PCSK5: variants seen among roughly 807,000 people sequenced by gnomAD.
PCSK5 encodes the protein prohormone convertase 5.
In PCSK5, 129 loss-of-function variants were observed where a neutral mutation model predicts 233.2. The observed-to-expected ratio is 0.55, with a 90% CI of 0.48 to 0.64. PCSK5 has a LOEUF of 0.64. PCSK5 is among the 30% of genes least tolerant of loss of function. The pLI is 0.00. For missense variants in PCSK5, 2,076 were observed against 2,430.1 expected, an observed-to-expected ratio of 0.85 and a Z score of 3.06; for synonymous variants, 825 against 879.2, an observed-to-expected ratio of 0.94 and a Z score of 1.09.
chr9:76,158,551 G>T (rs1166495385), intron 11 of PCSK5, among the ~76,000 whole-genome samples: 1 of 152,160 alleles, frequency 6.6e-6, no homozygotes, highest in African/African-American at 2.4e-5. Flanking sequence ...CCCCCTTTAT[G>T]CTAATCCCCA....
chr9:76,340,908 A>G (rs1022445637), intron 35 of PCSK5, among the ~76,000 whole-genome samples: 2 of 151,606 alleles, frequency 1.3e-5, no homozygotes, highest in African/African-American at 4.8e-5. Flanking sequence ...AAGTGACTAT[A>G]TTTTTACTTT....
chr9:75,927,337 CTA>C (rs1823537649), intron 1 of PCSK5, among the ~76,000 whole-genome samples: 1 of 152,082 alleles, frequency 6.6e-6, no homozygotes, highest in South Asian at 2.1e-4. Flanking sequence ...TTGGAGGAAT[CTA>C]TAAATTGAAG....
At chr9:76,263,830 A>C (rs933878909) in intron 24 of PCSK5, among the ~76,000 whole-genome samples, 1 of 152,082 alleles carries the variant, frequency 6.6e-6, no homozygotes, top group Non-Finnish European at 1.5e-5. Context: ...CAAATGGAAA[A>C]ATATCCCATG....
intron 7 of PCSK5, among the ~76,000 whole-genome samples, chr9:76,087,998 T>G (rs1262656775): frequency 1.3e-5 from 2 of 152,238 alleles, no homozygotes; most frequent in East Asian, 3.8e-4. Flanking sequence ...GTATTTCCCA[T>G]CTCTCTCATC....
At chr9:75,994,400 C>CTTTTT (rs550518074) in intron 3 of PCSK5, among the ~76,000 whole-genome samples, 66 of 81,988 alleles carry the variant, frequency 8.0e-4, no homozygotes, top group Non-Finnish European at 1.3e-3. Flanking sequence ...TTCTTTCTTT[C>CTTTTT]TTTTTTTTTT....
intron 5 of PCSK5, among the ~76,000 whole-genome samples, chr9:76,042,942 ACTGTAGCATTAGTGAG>A (rs1461394072): frequency 2.0e-5 from 3 of 152,136 alleles, no homozygotes; most frequent in Non-Finnish European, 4.4e-5. Context: ...TGTGGGTTGG[ACTGTAGCATTAGTGAG>A]ATGAAGAGTT....
intron 1 of PCSK5, among the ~76,000 whole-genome samples, chr9:75,901,987 G>C (rs577888626): frequency 1.3e-5 from 2 of 152,012 alleles, no homozygotes. Flanking sequence ...AGGCCAAGGC[G>C]GGCAGATTAC....
intron 2 of PCSK5, among the ~76,000 whole-genome samples, chr9:75,956,465 T>G (rs1825099217): frequency 6.6e-6 from 1 of 152,190 alleles, no homozygotes; most frequent in Non-Finnish European, 1.5e-5. Flanking sequence ...CTTGGTCACT[T>G]CCCAGATAAT....
intron 20 of PCSK5, among the ~76,000 whole-genome samples, chr9:76,202,480 A>G (rs148519734): frequency 1.3e-5 from 2 of 152,320 alleles, no homozygotes; most frequent in East Asian, 1.9e-4. Flanking sequence ...TAAAACTGAA[A>G]TTCCTTTCCA....
intron 15 of PCSK5, among the ~76,000 whole-genome samples, chr9:76,180,131 A>G (rs1403839740): frequency 6.6e-6 from 1 of 150,672 alleles, no homozygotes; most frequent in Non-Finnish European, 1.5e-5. Context: ...ACATACGTAC[A>G]CACGTTTTGG....
intron 1 of PCSK5, among the ~76,000 whole-genome samples, chr9:75,929,150 G>T (rs917333915): frequency 3.3e-5 from 5 of 152,078 alleles, no homozygotes; most frequent in Non-Finnish European, 7.4e-5. Context: ...GGCCAGGATG[G>T]TCTTGATCTC....
At chr9:76,166,899 T>C (rs576186081) in intron 12 of PCSK5, among the ~76,000 whole-genome samples, 1 of 152,366 alleles carries the variant, frequency 6.6e-6, no homozygotes, top group East Asian at 1.9e-4. Flanking sequence ...TGTTGTCTTC[T>C]TGCCCAACAT....
chr9:76,183,204 A>G (rs898415711), intron 16 of PCSK5, among the ~76,000 whole-genome samples: 1 of 152,238 alleles, frequency 6.6e-6, no homozygotes, highest in African/African-American at 2.4e-5. Context: ...GACAGAACCA[A>G]GGTAATTGAG....
At chr9:75,917,862 A>G (rs2131248592) in intron 1 of PCSK5, among the ~76,000 whole-genome samples, 1 of 152,342 alleles carries the variant, frequency 6.6e-6, no homozygotes, top group South Asian at 2.1e-4. Context: ...CCTTCTATTT[A>G]GGAAGTAGAA....
At chr9:75,960,738 C>A (rs985515380) in intron 2 of PCSK5, among the ~76,000 whole-genome samples, 1 of 152,174 alleles carries the variant, frequency 6.6e-6, no homozygotes, top group Non-Finnish European at 1.5e-5. Context: ...TATTAACATT[C>A]GACAGCTGTT....
chr9:75,987,332 C>G (rs1351032862), intron 3 of PCSK5, among the ~76,000 whole-genome samples: 1 of 152,134 alleles, frequency 6.6e-6, no homozygotes, highest in Non-Finnish European at 1.5e-5. Context: ...CTCTTGGACC[C>G]TCTCCCTGCT....
chr9:76,112,557 T>C (rs868422121), intron 9 of PCSK5, among the ~76,000 whole-genome samples: 1 of 152,172 alleles, frequency 6.6e-6, no homozygotes, highest in African/African-American at 2.4e-5. Context: ...TTATTACTTA[T>C]CTTTTCCCTC....
intron 18 of PCSK5, 90 bp downstream of exon 18, chr9:76,188,765 A>G: frequency 1.1e-6 from 1 of 874,012 alleles, no homozygotes; most frequent in Non-Finnish European, 1.9e-6. Flanking sequence ...CCCACTTGAT[A>G]CTTTTAAAGT....
chr9:76,242,333 G>A (rs1045967190), intron 24 of PCSK5, among the ~76,000 whole-genome samples: 2 of 151,978 alleles, frequency 1.3e-5, no homozygotes, highest in South Asian at 2.1e-4. Flanking sequence ...TGCCTTAAAT[G>A]GAAAAGATAC....
Sources: allele counts gnomAD v4.1 joint callset (sites outside exome capture counted in the v4.1 genomes callset), GRCh38; gene constraint gnomAD v4.1.1; transcripts MANE v1.5; gene names NCBI Gene and HGNC (gene_info 2026-07-23, HGNC 2026-07-21).